Variants in EBF3 observed in about 807,000 individuals in gnomAD.
EBF3 encodes the protein transcription factor COE3.
A neutral mutation model predicts 77.1 loss-of-function variants in EBF3; 18 were observed. That is an observed-to-expected ratio of 0.23 (90% confidence interval 0.16 to 0.35). The LOEUF (loss-of-function observed/expected upper bound fraction) is 0.35, where lower values mean the gene tolerates loss of function less well. Among genes scored for constraint, EBF3 ranks in the 10% least tolerant of loss-of-function variants. EBF3 has a pLI of 1.00. For missense variants in EBF3, 558 were observed against 860.0 expected, an observed-to-expected ratio of 0.65 and a Z score of 4.39; for synonymous variants, 350 against 343.5, an observed-to-expected ratio of 1.02 and a Z score of -0.21.
chr10:129,878,013 A>G (rs1239867928), intron 6 of EBF3, among the ~76,000 whole-genome samples, 164 bp from the exon 7 acceptor site: 1 of 152,180 alleles, frequency 6.6e-6, no homozygotes, highest in Admixed American at 6.5e-5. Context: ...AGAGGCGGCG[A>G]GGAGGCACCC....
At position 129,919,303 on chromosome 10, in the gene EBF3, G is replaced by T. The variant is rs1026440949; in HGVS notation, c.554+37955C>A. Among the ~76,000 whole-genome samples the T allele has an allele frequency of 2.6e-5, 4 of 152,126 alleles. No individual in the cohort carries two copies. The East Asian group carries it at 7.7e-4, about 29-fold the overall frequency. ...TCTGACAAGCAGATACGGAGGGAAG[G>T]CTGTCCAGGTGGAGGGAACAGTGGA... On this transcript the variant is annotated intron_variant, in intron 6 of 16. Transcript: ENST00000440978.
At chr10:129,888,031 T>G (rs954061532) in intron 6 of EBF3, among the ~76,000 whole-genome samples, 1 of 152,176 alleles carries the variant, frequency 6.6e-6, no homozygotes, top group Non-Finnish European at 1.5e-5. Context: ...AAACTATTGA[T>G]AGGGTAAGCT....
At chr10:129,873,696 G>A in intron 7 of EBF3, 100 bp from the exon 8 acceptor site, 1 of 1,247,284 alleles carries the variant, frequency 8.0e-7, no homozygotes, top group Admixed American at 3.1e-5. Context: ...AGAGCACAAG[G>A]AAATTTCACG....
chr10:129,871,370 G>A (rs888603636), intron 8 of EBF3, among the ~76,000 whole-genome samples: 4 of 152,200 alleles, frequency 2.6e-5, no homozygotes, highest in East Asian at 1.9e-4. Context: ...AAAGGACGCC[G>A]TGGCAGACAT....
At chr10:129,887,657 T>C (rs1853702775) in intron 6 of EBF3, among the ~76,000 whole-genome samples, 1 of 152,172 alleles carries the variant, frequency 6.6e-6, no homozygotes, top group African/African-American at 2.4e-5. Flanking sequence ...CTGTGCAAGG[T>C]ATAAATAATT....
intron 6 of EBF3, among the ~76,000 whole-genome samples, chr10:129,896,784 C>T (rs746112350): frequency 2.0e-5 from 3 of 152,254 alleles, no homozygotes; most frequent in Non-Finnish European, 4.4e-5. Context: ...AGCTCCAACT[C>T]CTGAGAGCTG....
At chr10:129,951,735 G>A (rs1346721983) in intron 6 of EBF3, among the ~76,000 whole-genome samples, 6 of 152,260 alleles carry the variant, frequency 3.9e-5, no homozygotes, top group African/African-American at 9.6e-5. Context: ...GACACACAGC[G>A]GAGGCTAACC....
chr10:129,947,100 C>G lies in EBF3; in HGVS notation c.554+10158G>C, dbSNP rs910374411. On this transcript the variant is annotated intron_variant, in intron 6 of 16. Coordinates refer to ENST00000440978, the MANE Select transcript of EBF3 (RefSeq NM_001375380.1). This position sits in a 1 kb window ranked among gnomAD's most constrained non-coding sequence, Gnocchi z 4.5. ...ACTTGTTTCCTGACCCAATCTTCCT[C>G]GTGTCAGGGGACGAGCCGCTTCATT... Among the ~76,000 whole-genome samples the G allele has an allele frequency of 1.3e-5, 2 of 152,162 alleles. No homozygotes were observed. Among genetic ancestry groups the G allele is most frequent in the Admixed American group, 1.3e-4 (2 of 15,276 alleles).
At position 129,911,096 on chromosome 10, in the gene EBF3, C is replaced by T. The variant is rs190843037; in HGVS notation, c.555-33247G>A. On this transcript the variant is annotated intron_variant, in intron 6 of 16. Coordinates refer to ENST00000440978, the MANE Select transcript of EBF3 (RefSeq NM_001375380.1). ...AGGTAACTGCAGGGCCCATGGAGAA[C>T]GGGGTCATTCCTTTATAACAGAGCA... 3.1e-3 allele frequency among the ~76,000 whole-genome samples: 469 copies of T among 152,344 alleles called. 2 individuals are homozygous for T. The highest frequency in any genetic ancestry group is 9.8e-3 in the African/African-American group (407 of 41,580).
In EBF3 at chr10:129,963,934, A is replaced by C; in HGVS notation, c.-166T>G. On this transcript the variant is annotated 5_prime_UTR_variant, in exon 1 of 17. Transcript: ENST00000440978. This position sits in a 1 kb window ranked among gnomAD's most constrained non-coding sequence, Gnocchi z 7.1. ...CCCGTCCCGGGCAGGCGCGACATAC[A>C]CCAGCGGCCGGGCGCTCCGGACGGC... 2 of 1,057,050 alleles carry C rather than the reference A, an allele frequency of 1.9e-6. No individual in the cohort carries two copies. Among genetic ancestry groups the C allele is most frequent in the Non-Finnish European group, 2.3e-6 (2 of 878,532 alleles). The allele number at this position is 1,057,050 out of a possible 1,614,324, so 65.5% of individuals were successfully genotyped here. A position where few individuals can be genotyped will look rare whatever the true frequency, so the allele number is the denominator to read the frequency against.
intron 6 of EBF3, among the ~76,000 whole-genome samples, chr10:129,895,479 G>A (rs931459064): frequency 2.0e-5 from 3 of 152,212 alleles, no homozygotes; most frequent in Admixed American, 6.5e-5. Flanking sequence ...GTTCCCATGG[G>A]CAGCTTCTCC....
chr10:129,952,609 G>C lies in EBF3; in HGVS notation c.554+4649C>G, dbSNP rs1325811473. On this transcript the variant is annotated intron_variant, in intron 6 of 16. Coordinates refer to ENST00000440978, the MANE Select transcript of EBF3 (RefSeq NM_001375380.1). The surrounding 1 kb of genome is among the most constrained non-coding windows in gnomAD (Gnocchi z 4.7). ...TAATCACGCTCGTGCAAAGCCATGA[G>C]GGAGGAAGCTTTAAGTTCTCTGCTT... Among the ~76,000 whole-genome samples the C allele has an allele frequency of 1.3e-5, 2 of 152,150 alleles. No individual in the cohort carries two copies. Among genetic ancestry groups the C allele is most frequent in the Non-Finnish European group, 2.9e-5 (2 of 68,022 alleles).
intron 6 of EBF3, among the ~76,000 whole-genome samples, chr10:129,932,540 T>A (rs1033307985): frequency 1.3e-5 from 2 of 152,280 alleles, no homozygotes; most frequent in African/African-American, 4.8e-5. Flanking sequence ...GATCAATACA[T>A]CACCATTTCC....
rs1447369937 is a variant in EBF3, at chr10:129,964,050, T to C, written c.-282A>G. On this transcript the variant is annotated 5_prime_UTR_variant, in exon 1 of 17. Coordinates refer to ENST00000440978, the MANE Select transcript of EBF3 (RefSeq NM_001375380.1). The surrounding 1 kb of genome is among the most constrained non-coding windows in gnomAD (Gnocchi z 4.5). ...GGCGGCGCTTGTTGTTGTTGTTGTT[T>C]GCAGGCGCGCTCAACGTGGTGTCAT... is the stretch of plus-strand genomic sequence containing the variant. The C allele has an allele frequency of 1.0e-6, 1 of 985,040 alleles. No homozygotes were observed. The highest frequency in any genetic ancestry group is 1.1e-4 in the East Asian group (1 of 8,784). The allele number at this position is 985,040 out of a possible 1,614,324, so 61.0% of individuals were successfully genotyped here.
chr10:129,920,617 C>T (rs936210859), intron 6 of EBF3, among the ~76,000 whole-genome samples: 12 of 152,188 alleles, frequency 7.9e-5, no homozygotes, highest in African/African-American at 2.2e-4. Context: ...GAAAAAGGAA[C>T]GAATAGAAAG....
Position 129,963,199 on chromosome 10 carries a change from G to T in EBF3, c.291+168C>A. The T allele has an allele frequency of 8.5e-7, 1 of 1,180,434 alleles. No homozygotes were observed. Among genetic ancestry groups the T allele is most frequent in the Non-Finnish European group, 1.2e-6 (1 of 864,778 alleles). The allele number at this position is 1,180,434 out of a possible 1,614,324, so 73.1% of individuals were successfully genotyped here. A position where few individuals can be genotyped will look rare whatever the true frequency, so the allele number is the denominator to read the frequency against. ...CCCCGAGTAAGTCCGAGGGCGCAGA[G>T]AAGTTGCCCAGCCCTCGGCGGTCCC... On this transcript the variant is annotated intron_variant, in intron 2 of 16. Coordinates refer to ENST00000440978, the MANE Select transcript of EBF3 (RefSeq NM_001375380.1). The surrounding 1 kb of genome is among the most constrained non-coding windows in gnomAD (Gnocchi z 7.1).
At chr10:129,951,426 C>T (rs1470353744) in intron 6 of EBF3, among the ~76,000 whole-genome samples, 4 of 152,262 alleles carry the variant, frequency 2.6e-5, no homozygotes, top group African/African-American at 7.2e-5. Context: ...CAGCCCTTGC[C>T]TCCACCCCTG....
chr10:129,839,015 C>T (rs1448873855), intron 16 of EBF3, 68 bp downstream of exon 16: 9 of 1,283,530 alleles, frequency 7.0e-6, no homozygotes, highest in Admixed American at 4.6e-5. Flanking sequence ...GGCGGCACTT[C>T]GGGGGCCTGG....
intron 6 of EBF3, among the ~76,000 whole-genome samples, chr10:129,917,679 A>AAAAAAAAAAAAAAAAAAAAAAAAAAAAC (rs1564887155): frequency 1.1e-4 from 16 of 142,082 alleles, no homozygotes; most frequent in Non-Finnish European, 2.0e-4. Context: ...AAAAAAAAAA[A>AAAAAAAAAAAAAAAAAAAAAAAAAAAAC]CTAAAACCAA....
Sources: allele counts gnomAD v4.1 joint callset (sites outside exome capture counted in the v4.1 genomes callset), GRCh38; gene constraint gnomAD v4.1.1; non-coding constraint Gnocchi (gnomAD v3.1); transcripts MANE v1.5; gene names NCBI Gene and HGNC (gene_info 2026-07-23, HGNC 2026-07-21).